Variants in MPHOSPH9 observed in about 807,000 individuals in gnomAD.
MPHOSPH9 encodes M-phase phosphoprotein 9.
In MPHOSPH9, 88 loss-of-function variants were observed where a neutral mutation model predicts 145.5. The ratio of observed to expected loss-of-function variants is 0.60; its 90% CI spans 0.51 to 0.72. MPHOSPH9 has a LOEUF of 0.72. MPHOSPH9 is among the 30% of genes least tolerant of loss of function. MPHOSPH9 has a pLI of 0.00. For synonymous variants in MPHOSPH9, 435 were observed against 486.2 expected (o/e 0.89, Z 1.39); for missense variants, 1,238 against 1,386.6 (o/e 0.89, Z 1.70).
intron 12 of MPHOSPH9, among the ~76,000 whole-genome samples, chr12:123,197,644 C>T (rs944962692): frequency 7.2e-5 from 11 of 151,754 alleles, no homozygotes; most frequent in Admixed American, 1.3e-4. Context: ...TAGCTGGGCA[C>T]GGTGGCATGC....
chr12:123,182,431 A>C (rs117316697), intron 13 of MPHOSPH9, among the ~76,000 whole-genome samples: 1,832 of 150,490 alleles, frequency 0.012, 15 homozygotes, highest in Non-Finnish European at 0.019. Context: ...TTTTTGTATT[A>C]GATGGCGTCT....
At chr12:123,237,930 C>CT (rs1657556244), upstream of MPHOSPH9, among the ~76,000 whole-genome samples, 1 of 150,830 alleles carries the variant, frequency 6.6e-6, no homozygotes, top group South Asian at 2.1e-4. Context: ...GAGTCTCACT[C>CT]TGTCACCCAG....
intron 16 of MPHOSPH9, among the ~76,000 whole-genome samples, chr12:123,168,962 G>A (rs1310516775): frequency 6.6e-6 from 1 of 151,454 alleles, no homozygotes. Flanking sequence ...TCGGCTCACG[G>A]CAAGCTCTGC....
chr12:123,240,900 G>C (rs2047924635), intron 1 of MPHOSPH9, among the ~76,000 whole-genome samples: 1 of 151,892 alleles, frequency 6.6e-6, no homozygotes, highest in Non-Finnish European at 1.5e-5. Flanking sequence ...TTTTAGTAGA[G>C]ATGGGATTTC....
chr12:123,170,113 G>A (rs1169506506), intron 16 of MPHOSPH9, among the ~76,000 whole-genome samples: 1 of 150,696 alleles, frequency 6.6e-6, no homozygotes, highest in East Asian at 1.9e-4. Context: ...GAGCAGCTGG[G>A]ACTACAGGCG....
chr12:123,200,225 T>C (rs2046160579), intron 11 of MPHOSPH9, among the ~76,000 whole-genome samples: 1 of 80,702 alleles, frequency 1.2e-5, no homozygotes, highest in African/African-American at 2.6e-5. Context: ...AATGGTTTTT[T>C]ATCTTGGGGG....
intron 16 of MPHOSPH9, 66 bp from the exon 17 acceptor site, chr12:123,166,855 T>A: frequency 6.7e-7 from 1 of 1,500,390 alleles, no homozygotes; most frequent in Non-Finnish European, 9.0e-7. Flanking sequence ...CATGTGCATA[T>A]AAAACAATCT....
chr12:123,166,791 T>C lies in MPHOSPH9; in HGVS notation c.2457-2A>G. On this transcript the variant is annotated splice_acceptor_variant, in intron 16 of 23. Transcript: ENST00000606320. LOFTEE classifies it high-confidence loss of function. The stretch of plus-strand genomic sequence containing the variant: ...CTGACGTCTGAAGTTGCTAGTGTGC[T>C]ATTAGAATGAAAACGGTCAGGCATT... 2.5e-6 allele frequency: 4 copies of C among 1,610,658 alleles called. No individual in the cohort carries two copies. The highest frequency in any genetic ancestry group is 3.4e-6 in the Non-Finnish European group (4 of 1,179,210).
At chr12:123,157,383 T>TA (rs11324033) in intron 23 of MPHOSPH9, among the ~76,000 whole-genome samples, 32 of 149,620 alleles carry the variant, frequency 2.1e-4, no homozygotes, top group South Asian at 4.2e-4. Flanking sequence ...ATACTTTTCT[T>TA]AAAAAAAAAA....
chr12:123,202,045 A>G, intron 11 of MPHOSPH9, 119 bp downstream of exon 11: 2 of 1,110,670 alleles, frequency 1.8e-6, no homozygotes, highest in Non-Finnish European at 2.5e-6. Flanking sequence ...TACTTAGGCA[A>G]ACATGACTGT....
chr12:123,191,457 A>G (rs1040770833), intron 13 of MPHOSPH9, among the ~76,000 whole-genome samples: 3 of 152,118 alleles, frequency 2.0e-5, no homozygotes, highest in African/African-American at 7.2e-5. Flanking sequence ...CGCCTAGCTA[A>G]TGTTTTTTAT....
At chr12:123,165,612 G>A in intron 17 of MPHOSPH9, 135 bp from the exon 18 acceptor site, 1 of 776,628 alleles carries the variant, frequency 1.3e-6, no homozygotes, top group South Asian at 1.9e-5. Flanking sequence ...TCTTTACGAG[G>A]TAATTAGGGT....
intron 12 of MPHOSPH9, among the ~76,000 whole-genome samples, chr12:123,195,577 C>T (rs920318559): frequency 1.3e-5 from 2 of 151,096 alleles, no homozygotes; most frequent in African/African-American, 4.9e-5. Flanking sequence ...CAGAGTGAGA[C>T]TCTGTCTCAA....
At chr12:123,220,450 G>A (rs1308549619) in intron 5 of MPHOSPH9, among the ~76,000 whole-genome samples, 2 of 151,482 alleles carry the variant, frequency 1.3e-5, no homozygotes, top group Non-Finnish European at 2.9e-5. Flanking sequence ...TGTAGTCCCA[G>A]CTACTCAGGA....
chr12:123,198,336 T>TA lies in MPHOSPH9; in HGVS notation c.1938-3dup. ...AAAGCACTATCTAATTGGCCACATC[T>TA]AAAAACCATAAATTTAGCTTCAATT... is the stretch of plus-strand genomic sequence containing the variant. On this transcript the variant is annotated splice_polypyrimidine_tract_variant and splice_region_variant and intron_variant, in intron 11 of 23. Transcript: ENST00000606320. 6.2e-7 allele frequency: 1 copy of TA among 1,606,836 alleles called. No individual in the cohort carries two copies. The highest frequency in any genetic ancestry group is 8.5e-7 in the Non-Finnish European group (1 of 1,176,024).
At chr12:123,194,688 C>T (rs1005922371) in intron 12 of MPHOSPH9, 87 bp from the exon 13 acceptor site, 6 of 932,022 alleles carry the variant, frequency 6.4e-6, no homozygotes, top group African/African-American at 1.7e-5. Flanking sequence ...ATGGCGCAAT[C>T]TTGGCCTACT....
intron 11 of MPHOSPH9, among the ~76,000 whole-genome samples, chr12:123,199,456 G>A (rs61955270): frequency 0.048 from 7,330 of 152,090 alleles, 215 homozygotes; most frequent in Middle Eastern, 0.071. Context: ...AGCACGTTTC[G>A]TTTATCCTCA....
chr12:123,210,330 G>C (rs2046647584), intron 7 of MPHOSPH9, among the ~76,000 whole-genome samples, 168 bp from the exon 8 acceptor site: 1 of 152,180 alleles, frequency 6.6e-6, no homozygotes, highest in African/African-American at 2.4e-5. Flanking sequence ...TATTATGTAA[G>C]AGTCCTAACT....
chr12:123,236,194 T>C (rs2047847646), upstream of MPHOSPH9, among the ~76,000 whole-genome samples: 1 of 152,230 alleles, frequency 6.6e-6, no homozygotes, highest in Non-Finnish European at 1.5e-5. Context: ...TAATTTAGTT[T>C]CAAAAATTGA....
Sources: allele counts gnomAD v4.1 joint callset (sites outside exome capture counted in the v4.1 genomes callset), GRCh38; gene constraint gnomAD v4.1.1; transcripts MANE v1.5; gene names NCBI Gene and HGNC (gene_info 2026-07-23, HGNC 2026-07-21).